The following LRRC4C variants were observed in gnomAD, a reference collection of about 807,000 sequenced individuals.
LRRC4C encodes leucine-rich repeat-containing protein 4C.
LRRC4C carries 5 observed loss-of-function variants against 33.6 expected under a neutral mutation model. That is an observed-to-expected ratio of 0.15 (90% CI 0.08 to 0.31). The LOEUF (loss-of-function observed/expected upper bound fraction) is 0.31, where lower values mean the gene tolerates loss of function less well. Ranked by LOEUF, LRRC4C falls within the 10% of genes least tolerant of loss-of-function variation. The probability of loss-of-function intolerance (pLI) is 1.00; values close to 1 mark genes in which losing one functional copy is unlikely to be tolerated. For missense variants in LRRC4C, 560 were observed against 796.7 expected (o/e 0.70, Z 3.58); for synonymous variants, 329 against 302.0 (o/e 1.09, Z -0.93).
intron 1 of LRRC4C, among the ~76,000 whole-genome samples, chr11:41,388,947 T>C (rs564580202): frequency 6.6e-6 from 1 of 151,988 alleles, no homozygotes; most frequent in African/African-American, 2.4e-5. Flanking sequence ...TAGATCTAAA[T>C]ATAAGGTTTT....
chr11:40,538,196 T>C (rs1162641598), intron 3 of LRRC4C, among the ~76,000 whole-genome samples: 2 of 152,116 alleles, frequency 1.3e-5, no homozygotes, highest in Non-Finnish European at 2.9e-5. Flanking sequence ...TGCAACCAAG[T>C]CTGAGAACTG....
intron 2 of LRRC4C, among the ~76,000 whole-genome samples, chr11:40,845,070 G>A (rs1450746022): frequency 2.3e-4 from 35 of 151,772 alleles, no homozygotes; most frequent in Admixed American, 2.2e-3. Context: ...ATTTTAAAAC[G>A]TCATGTTGTA....
chr11:40,301,351 T>C (rs563249078), intron 4 of LRRC4C, among the ~76,000 whole-genome samples: 5 of 152,196 alleles, frequency 3.3e-5, no homozygotes, highest in Non-Finnish European at 7.3e-5. Context: ...GCATAGATAC[T>C]ATGTGGTAGT....
At chr11:40,181,936 T>C (rs1861040024) in intron 5 of LRRC4C, among the ~76,000 whole-genome samples, 1 of 152,106 alleles carries the variant, frequency 6.6e-6, no homozygotes, top group African/African-American at 2.4e-5. Flanking sequence ...CTCCAAGTGG[T>C]GGACACAAAA....
intron 2 of LRRC4C, among the ~76,000 whole-genome samples, chr11:40,826,963 A>G (rs949319697): frequency 6.6e-6 from 1 of 152,000 alleles, no homozygotes; most frequent in African/African-American, 2.4e-5. Flanking sequence ...TCCTTTGAAA[A>G]CACTACAAAT....
chr11:40,775,029 A>T (rs988834992), intron 2 of LRRC4C, among the ~76,000 whole-genome samples: 1 of 151,952 alleles, frequency 6.6e-6, no homozygotes. Context: ...TAATAAAAAT[A>T]AATAAATAAA....
rs368388909 is a variant in LRRC4C, at chr11:40,307,221, G to A, written c.-176+12407C>T. On this transcript the variant is annotated intron_variant, in intron 4 of 6. Coordinates refer to ENST00000528697, the MANE Select transcript of LRRC4C (RefSeq NM_001258419.2). Reference sequence around the variant, plus strand: ...CATGAATAATTCTCTCCTCCCCACCGCTCCACTGAAAACCACTAGGGTGTT... The same window carrying A: ...CATGAATAATTCTCTCCTCCCCACCACTCCACTGAAAACCACTAGGGTGTT... 1.7e-3 allele frequency among the ~76,000 whole-genome samples: 256 copies of A among 152,010 alleles called. 2 individuals carry two copies. The highest frequency in any genetic ancestry group is 2.7e-3 in the Non-Finnish European group (184 of 67,968).
intron 3 of LRRC4C, among the ~76,000 whole-genome samples, chr11:40,464,211 CAG>C (rs1225184118): frequency 6.6e-6 from 1 of 151,818 alleles, no homozygotes; most frequent in Admixed American, 6.6e-5. Flanking sequence ...AACGCATAAA[CAG>C]AACTATAAAC....
chr11:40,768,853 T>C (rs920831906), intron 2 of LRRC4C, among the ~76,000 whole-genome samples: 3 of 152,098 alleles, frequency 2.0e-5, no homozygotes, highest in African/African-American at 7.2e-5. Flanking sequence ...AAAAGCCACA[T>C]ATGACAGACC....
chr11:40,807,965 A>T (rs1221711334), intron 2 of LRRC4C, among the ~76,000 whole-genome samples: 13 of 152,192 alleles, frequency 8.5e-5, no homozygotes, highest in Admixed American at 8.5e-4. Flanking sequence ...TACATCAGGT[A>T]CATCTGGATC....
At chr11:40,305,956 A>G (rs1020779456) in intron 4 of LRRC4C, among the ~76,000 whole-genome samples, 20 of 152,320 alleles carry the variant, frequency 1.3e-4, no homozygotes, top group Admixed American at 1.3e-3. Flanking sequence ...TCTGTCTTCT[A>G]CATGTGGTTA....
chr11:40,651,200 T>A (rs1013682096), intron 2 of LRRC4C, among the ~76,000 whole-genome samples: 2 of 152,216 alleles, frequency 1.3e-5, no homozygotes, highest in Non-Finnish European at 2.9e-5. Context: ...TTTCTCAGAC[T>A]TAGTTTTGAT....
intron 3 of LRRC4C, among the ~76,000 whole-genome samples, chr11:40,411,086 AAAGT>A (rs1950140134): frequency 6.6e-6 from 1 of 152,126 alleles, no homozygotes; most frequent in South Asian, 2.1e-4. Context: ...TGATATCATA[AAAGT>A]AAGTCAGTAT....
chr11:41,125,713 G>C (rs1441303485), intron 1 of LRRC4C, among the ~76,000 whole-genome samples: 1 of 152,136 alleles, frequency 6.6e-6, no homozygotes, highest in African/African-American at 2.4e-5. Flanking sequence ...GCAGAGTGTG[G>C]TAGACATGAT....
intron 1 of LRRC4C, among the ~76,000 whole-genome samples, chr11:41,111,285 G>A (rs924139329): frequency 6.6e-6 from 1 of 152,040 alleles, no homozygotes; most frequent in Non-Finnish European, 1.5e-5. Context: ...GCAGCTGTAA[G>A]TAATGAAGCT....
intron 6 of LRRC4C, among the ~76,000 whole-genome samples, chr11:40,136,084 G>A (rs1347683636): frequency 6.6e-6 from 1 of 152,160 alleles, no homozygotes; most frequent in Non-Finnish European, 1.5e-5. Flanking sequence ...GTTTTTGTAA[G>A]TAAAGTTTTG....
At chr11:40,538,376 T>G (rs991731557) in intron 3 of LRRC4C, among the ~76,000 whole-genome samples, 7 of 152,088 alleles carry the variant, frequency 4.6e-5, no homozygotes, top group African/African-American at 1.4e-4. Context: ...AGTGAGCATA[T>G]GCAGTGTTTG....
chr11:40,472,091 C>G (rs922418371), intron 3 of LRRC4C, among the ~76,000 whole-genome samples: 4 of 150,878 alleles, frequency 2.7e-5, no homozygotes, highest in Admixed American at 6.7e-5. Context: ...TCCTGGCTAA[C>G]ATGGTGAAAC....
In LRRC4C at chr11:40,797,453, C is replaced by T. The variant is rs562610972; in HGVS notation, c.-407+136182G>A. ...ATAGGGATTTGGGTCAAAAATGAAA[C>T]CATTAAAGAAGTAAATACAGAATAC... On this transcript the variant is annotated intron_variant, in intron 2 of 6. Transcript: ENST00000528697. Among the ~76,000 whole-genome samples the T allele has an allele frequency of 2.6e-5, 4 of 151,808 alleles. No homozygotes were observed. The East Asian group carries it at 7.7e-4, about 29-fold the overall frequency.
Sources: gnomAD v4.1 joint callset for allele counts (sites outside exome capture counted in the v4.1 genomes callset) on GRCh38, gnomAD v4.1.1 for gene constraint, MANE v1.5 for transcripts, NCBI Gene and HGNC (gene_info 2026-07-23, HGNC 2026-07-21) for gene names.